OMA1: variants seen among roughly 807,000 people sequenced by gnomAD.
OMA1 encodes the protein metalloendopeptidase OMA1, mitochondrial.
A neutral mutation model predicts 30.9 loss-of-function variants in OMA1; 38 were observed. That is an observed-to-expected ratio of 1.23 (90% CI 0.95 to 1.61). The LOEUF (loss-of-function observed/expected upper bound fraction) is 1.61, where lower values mean the gene tolerates loss of function less well. OMA1 is among the 40% of genes most tolerant of loss of function. The pLI is 0.00. For synonymous variants in OMA1, 173 were observed against 121.9 expected (o/e 1.42, Z -2.76); for missense variants, 461 against 349.2 (o/e 1.32, Z -2.55).
chr1:58,507,142 C>T (rs1441639610), intron 7 of OMA1, among the ~76,000 whole-genome samples: 1 of 151,674 alleles, frequency 6.6e-6, no homozygotes, highest in Non-Finnish European at 1.5e-5. Context: ...TTAAATCCTC[C>T]ATAAGGTGGA....
rs200410055 is a variant in OMA1 at position 58,536,627 on chromosome 1, G to A, written c.615C>T (p.Leu205=). The change falls in exon 3 of 9, where the codon CTC becomes CTT. Residue 205 remains leucine (L), a synonymous_variant. Transcript: ENST00000371226. ...LFLGLSSFGL[L]FVVFYFTHLE... ...GGTGAGTAAAATAAAACACCACAAA[G>A]AGCAATCCAAAACTACTCAAACCAA... 32 of 872,750 alleles carry A rather than the reference G, an allele frequency of 3.7e-5. 1 individual carries two copies. In the East Asian group the frequency reaches 7.4e-4, roughly 20 times the overall value. The allele number at this position is 872,750 out of a possible 1,614,324, so 54.1% of individuals were successfully genotyped here.
At chr1:58,486,953 T>C (rs1196974353) in intron 8 of OMA1, among the ~76,000 whole-genome samples, 1 of 152,206 alleles carries the variant, frequency 6.6e-6, no homozygotes, top group Non-Finnish European at 1.5e-5. Context: ...ATTACGTGCC[T>C]GGAAGACATA....
intron 8 of OMA1, among the ~76,000 whole-genome samples, chr1:58,486,702 T>A (rs1475110249): frequency 6.6e-6 from 1 of 152,084 alleles, no homozygotes; most frequent in South Asian, 2.1e-4. Flanking sequence ...GGACGGACAA[T>A]GAGTACATGG....
intron 8 of OMA1, among the ~76,000 whole-genome samples, chr1:58,490,015 A>G (rs1192176398): frequency 2.0e-5 from 3 of 152,230 alleles, no homozygotes; most frequent in Non-Finnish European, 2.9e-5. Flanking sequence ...AAAAACTGAA[A>G]ATTCTAAAAA....
At position 58,485,716 on chromosome 1, in the gene OMA1, G is replaced by A. The variant is rs192673389; in HGVS notation, c.1366-4542C>T. On this transcript the variant is annotated intron_variant, in intron 8 of 8. Coordinates refer to ENST00000371226, the MANE Select transcript of OMA1 (RefSeq NM_145243.5). ...AATATATCTTCATCTCTTCAAAAGTGAGCAAAATTTTCCTACCATATAGCT... is the reference window on the plus strand; with the variant it reads ...AATATATCTTCATCTCTTCAAAAGTAAGCAAAATTTTCCTACCATATAGCT... Among the ~76,000 whole-genome samples, 14 of 151,838 alleles carry A rather than the reference G, an allele frequency of 9.2e-5. No individual in the cohort carries two copies. In the East Asian group the frequency reaches 2.5e-3, roughly 27 times the overall value.
intron 7 of OMA1, among the ~76,000 whole-genome samples, chr1:58,512,162 A>G (rs187037118): frequency 5.7e-4 from 87 of 152,312 alleles, no homozygotes; most frequent in Non-Finnish European, 9.9e-4. Flanking sequence ...GTTCAATATC[A>G]CTAATCATCA....
chr1:58,482,711 A>C (rs1312452274), intron 8 of OMA1, among the ~76,000 whole-genome samples: 1 of 152,146 alleles, frequency 6.6e-6, no homozygotes, highest in Non-Finnish European at 1.5e-5. Flanking sequence ...CCTGAAGGAC[A>C]TGAGGAAAGA....
intron 6 of OMA1, 57 bp from the exon 7 acceptor site, chr1:58,527,392 G>C (rs879167842): frequency 2.4e-6 from 2 of 823,488 alleles, no homozygotes; most frequent in South Asian, 1.3e-5. Context: ...GAAAAAAGGA[G>C]TAACACAGAG....
chr1:58,509,816 C>A (rs1406425154), intron 7 of OMA1, among the ~76,000 whole-genome samples: 1 of 151,706 alleles, frequency 6.6e-6, no homozygotes, highest in Non-Finnish European at 1.5e-5. Context: ...TTACAGCATA[C>A]CATTGTAACT....
intron 8 of OMA1, among the ~76,000 whole-genome samples, chr1:58,483,344 C>A (rs979856070): frequency 1.3e-5 from 2 of 152,100 alleles, no homozygotes; most frequent in African/African-American, 4.8e-5. Flanking sequence ...GCTAACATTT[C>A]ATTGAGTCCC....
At position 58,531,490 on chromosome 1, in the gene OMA1, G is replaced by A. The variant is rs866310056; in HGVS notation, c.1012-761C>T. ...TAATGAACTAGATTGTTCATGGTTT[G>A]CCATTAAAGGTGATTAGTAAATGTT... On this transcript the variant is annotated intron_variant, in intron 5 of 8. Coordinates refer to ENST00000371226, the MANE Select transcript of OMA1 (RefSeq NM_145243.5). Among the ~76,000 whole-genome samples, 6 of 152,220 alleles carry A rather than the reference G, an allele frequency of 3.9e-5. No homozygotes were observed. In the Middle Eastern group the frequency reaches 0.01, roughly 259 times the overall value.
intron 8 of OMA1, among the ~76,000 whole-genome samples, chr1:58,504,290 G>A (rs994142022): frequency 1.2e-4 from 18 of 152,248 alleles, no homozygotes; most frequent in African/African-American, 4.3e-4. Flanking sequence ...CAGCCCCAAT[G>A]TCTTCCTTGC....
At chr1:58,489,589 G>A (rs1326136613) in intron 8 of OMA1, among the ~76,000 whole-genome samples, 4 of 152,328 alleles carry the variant, frequency 2.6e-5, no homozygotes, top group Non-Finnish European at 4.4e-5. Flanking sequence ...GCTTAGAAGA[G>A]AGTAGTGGTT....
In OMA1 at chr1:58,488,169, A is replaced by G. The variant is rs562417480; in HGVS notation, c.1366-6995T>C. ...ATATAACTACATCATTATAAAGTTC[A>G]TTGATTACAAGCCATCCTCTTATTG... On this transcript the variant is annotated intron_variant, in intron 8 of 8. Coordinates refer to ENST00000371226, the MANE Select transcript of OMA1 (RefSeq NM_145243.5). Among the ~76,000 whole-genome samples the G allele has an allele frequency of 4.6e-5, 7 of 152,276 alleles. No individual in the cohort carries two copies. The South Asian group carries it at 1.0e-3, about 23-fold the overall frequency.
rs532407233 is a variant in OMA1 at position 58,480,828 on chromosome 1, G to C, written c.*137C>G. The C allele has an allele frequency of 2.4e-5, 13 of 542,042 alleles. No individual in the cohort carries two copies. In the East Asian group the frequency reaches 4.1e-4, roughly 17 times the overall value. The allele number at this position is 542,042 out of a possible 1,614,324, so 33.6% of individuals were successfully genotyped here. A position where few individuals can be genotyped will look rare whatever the true frequency, so the allele number is the denominator to read the frequency against. On this transcript the variant is annotated 3_prime_UTR_variant, in exon 9 of 9. Transcript: ENST00000371226. ...GAAAAATAAATTCTAGAAGAATTTA[G>C]ATAATATCTGTAATGTACATGATTT...
In OMA1 at chr1:58,538,913, CA is replaced by C. The variant is rs763323453; in HGVS notation, c.381del (p.Ala128LeufsTer3). On this transcript the variant is annotated frameshift_variant, in exon 2 of 9. Coordinates refer to ENST00000371226, the MANE Select transcript of OMA1 (RefSeq NM_145243.5). LOFTEE classifies it high-confidence loss of function. ...PSLSVLHPLS[P>X]ASIRAIRNFH... is the part of the protein sequence containing the mutation. ...AAATTCCTAATAGCTCTTATGGAAG[CA>C]GGGCTTAGAGGATGCAATACTGACA... 1.7e-5 allele frequency: 15 copies of C among 872,722 alleles called. No homozygotes were observed. In the South Asian group the frequency reaches 2.0e-4, roughly 11 times the overall value. The allele number at this position is 872,722 out of a possible 1,614,324, so 54.1% of individuals were successfully genotyped here.
At chr1:58,498,667 T>A (rs1269607239) in intron 8 of OMA1, among the ~76,000 whole-genome samples, 1 of 152,352 alleles carries the variant, frequency 6.6e-6, no homozygotes, top group East Asian at 1.9e-4. Context: ...CCTTCTTGCC[T>A]ATATAACTAT....
At chr1:58,538,494 ATTTT>A (rs79968247) in intron 2 of OMA1, among the ~76,000 whole-genome samples, 2 of 152,060 alleles carry the variant, frequency 1.3e-5, no homozygotes, top group Admixed American at 1.3e-4. Flanking sequence ...TAAATATAAG[ATTTT>A]TTTAATGCCT....
intron 6 of OMA1, among the ~76,000 whole-genome samples, chr1:58,530,137 T>G (rs1646412674): frequency 6.6e-6 from 1 of 152,138 alleles, no homozygotes; most frequent in Admixed American, 6.5e-5. Flanking sequence ...CACCTTGGCC[T>G]CCCAAAGTGC....
Sources: gnomAD v4.1 joint callset for allele counts (sites outside exome capture counted in the v4.1 genomes callset) on GRCh38, gnomAD v4.1.1 for gene constraint, MANE v1.5 for transcripts, NCBI Gene and HGNC (gene_info 2026-07-23, HGNC 2026-07-21) for gene names.